The following C16orf96 variants were observed in gnomAD, a reference collection of about 807,000 sequenced individuals.
C16orf96 encodes uncharacterized protein C16orf96.
A neutral mutation model predicts 103.6 loss-of-function variants in C16orf96; 108 were observed. The ratio of observed to expected loss-of-function variants is 1.04; its 90% CI spans 0.89 to 1.22. C16orf96 has a LOEUF of 1.22. C16orf96 is among the 50% of genes most tolerant of loss of function. The probability of loss-of-function intolerance (pLI) is 0.00; values close to 1 mark genes in which losing one functional copy is unlikely to be tolerated. For synonymous variants in C16orf96, 566 were observed against 593.5 expected, an observed-to-expected ratio of 0.95 and a Z score of 0.67; for missense variants, 1,586 against 1,464.2, an observed-to-expected ratio of 1.08 and a Z score of -1.36.
chr16:4,580,314 C>CCG (rs1287266947), intron 7 of C16orf96, among the ~76,000 whole-genome samples, 189 bp downstream of exon 7: 5 of 125,376 alleles, frequency 4.0e-5, no homozygotes, highest in Non-Finnish European at 8.6e-5. Context: ...CCCACCACCC[C>CCG]CCCCCACCCA....
rs1248916857 is a variant in C16orf96 at position 4,575,221 on chromosome 16, C to T, written c.741C>T (p.Leu247=). Residue 247 remains leucine, a synonymous_variant, in exon 5 of 16, where the codon CTC becomes CTT. Transcript: ENST00000444310. ...ACCTGTGGCAGTCTGTAGAGCAGCT[C>T]CCAGAGGCTGCCCTGGCCCAGACCA... ...PLDLWQSVEQ[L]PEAALAQTTK... The T allele has an allele frequency of 5.2e-6, 8 of 1,547,784 alleles. No individual in the cohort carries two copies. The highest frequency in any genetic ancestry group is 7.0e-6 in the Non-Finnish European group (8 of 1,146,970).
At chr16:4,562,437 C>T (rs1366453902) in intron 1 of C16orf96, among the ~76,000 whole-genome samples, 1 of 142,506 alleles carries the variant, frequency 7.0e-6, no homozygotes, top group Non-Finnish European at 1.5e-5. Context: ...ATATTACAGC[C>T]TGGACAATGG....
At chr16:4,579,046 G>A (rs898227779) in intron 6 of C16orf96, 21 bp downstream of exon 6, 5 of 1,548,144 alleles carry the variant, frequency 3.2e-6, no homozygotes, top group Non-Finnish European at 4.4e-6. Context: ...CCGGCGAAGG[G>A]CTTTTGAGGC....
At chr16:4,583,263 G>A (rs1012236003) in intron 7 of C16orf96, among the ~76,000 whole-genome samples, 5 of 151,922 alleles carry the variant, frequency 3.3e-5, no homozygotes, top group Non-Finnish European at 5.9e-5. Flanking sequence ...CACTTTGGGA[G>A]GCCAAGGCAG....
At position 4,593,566 on chromosome 16, in the gene C16orf96, G is replaced by A. The variant is rs915530448; in HGVS notation, c.2867+250G>A. ...TATTGTGGGCCAGGAACTGTTAGAC[G>A]GTTTCTTATTTAAATCTCACAACCC... is the stretch of plus-strand genomic sequence containing the variant. On this transcript the variant is annotated intron_variant, in intron 12 of 15. Coordinates refer to ENST00000444310, the MANE Select transcript of C16orf96 (RefSeq NM_001145011.2). The surrounding 1 kb of genome is among the most constrained non-coding windows in gnomAD (Gnocchi z 4.2). Among the ~76,000 whole-genome samples, 5 of 151,554 alleles carry A rather than the reference G, an allele frequency of 3.3e-5. No homozygotes were observed. The highest frequency in any genetic ancestry group is 4.9e-5 in the African/African-American group (2 of 41,204).
chr16:4,586,641 G>A (rs578073606), intron 7 of C16orf96, among the ~76,000 whole-genome samples: 1 of 152,214 alleles, frequency 6.6e-6, no homozygotes, highest in Non-Finnish European at 1.5e-5. Context: ...TGAGCACAGT[G>A]TGTGTGGCTG....
At chr16:4,596,559 G>C (rs1789810328) in intron 14 of C16orf96, among the ~76,000 whole-genome samples, 1 of 151,384 alleles carries the variant, frequency 6.6e-6, no homozygotes, top group South Asian at 2.1e-4. Flanking sequence ...GCGTGCGCCT[G>C]TAGTCCCAGC....
At chr16:4,550,331 C>T in the C16orf96 span, among the ~76,000 whole-genome samples, 1 of 152,104 alleles carries the variant, frequency 6.6e-6, no homozygotes, top group Non-Finnish European at 1.5e-5. Context: ...GTGATCCGCC[C>T]ATCTCAGCCT....
At chr16:4,539,486 C>T in the C16orf96 span, among the ~76,000 whole-genome samples, 1 of 152,152 alleles carries the variant, frequency 6.6e-6, no homozygotes, top group South Asian at 2.1e-4. Context: ...GAGTTTGAGA[C>T]CAGCCTGGCC....
At position 4,594,498 on chromosome 16, in the gene C16orf96, C is replaced by G; in HGVS notation, c.3015C>G (p.Ile1005Met). ...ATCCCTACGGGGATCCCCACGTGAT[C>G]GACTATGACAGCGTGAGTCTGGCCG... Reference protein sequence around the residue: ...TLYPYGDPHVIDYDSAEVDIL... With the variant: ...TLYPYGDPHVMDYDSAEVDIL... The change falls in exon 13 of 16, where the codon ATC becomes ATG. Residue 1005 changes from isoleucine (I) to methionine (M), a missense_variant. Transcript: ENST00000444310. The G allele has an allele frequency of 6.4e-7, 1 of 1,551,152 alleles. No individual in the cohort carries two copies. Among genetic ancestry groups the G allele is most frequent in the South Asian group, 1.2e-5 (1 of 84,046 alleles).
chr16:4,595,794 A>G (rs926748643), intron 14 of C16orf96, among the ~76,000 whole-genome samples: 1 of 151,066 alleles, frequency 6.6e-6, no homozygotes, highest in Non-Finnish European at 1.5e-5. Context: ...GCAACCTCCA[A>G]CTCCCGGGTT....
Position 4,582,988 on chromosome 16 carries a change from C to G in C16orf96, c.2352+2863C>G, listed in dbSNP as rs192391543. 3.0e-3 allele frequency among the ~76,000 whole-genome samples: 463 copies of G among 152,292 alleles called. 6 individuals carry two copies. The highest frequency in any genetic ancestry group is 0.01 in the African/African-American group (436 of 41,556). ...CGGTGGCTCACGCCTGTAATCCCAG[C>G]ACTTTGGGAGGCTGAGGCAGGCGGA... is the stretch of plus-strand genomic sequence containing the variant. On this transcript the variant is annotated intron_variant, in intron 7 of 15. Coordinates refer to ENST00000444310, the MANE Select transcript of C16orf96 (RefSeq NM_001145011.2).
At chr16:4,581,251 C>T (rs1204792653) in intron 7 of C16orf96, among the ~76,000 whole-genome samples, 1 of 147,372 alleles carries the variant, frequency 6.8e-6, no homozygotes, top group Non-Finnish European at 1.5e-5. Flanking sequence ...AGGAGAATCG[C>T]TTGAACCCGG....
intron 1 of C16orf96, among the ~76,000 whole-genome samples, chr16:4,563,737 T>C (rs2059357349): frequency 6.6e-6 from 1 of 151,152 alleles, no homozygotes; most frequent in Non-Finnish European, 1.5e-5. Flanking sequence ...CCCAGCTAAT[T>C]TTCGTATTTT....
chr16:4,582,623 G>T (rs1025261681), intron 7 of C16orf96, among the ~76,000 whole-genome samples: 4 of 152,094 alleles, frequency 2.6e-5, no homozygotes, highest in African/African-American at 4.8e-5. Flanking sequence ...TGCTCAGACT[G>T]TGCACCACTG....
chr16:4,551,586 G>C (rs1389885409), upstream of C16orf96, among the ~76,000 whole-genome samples: 1 of 152,046 alleles, frequency 6.6e-6, no homozygotes, highest in Non-Finnish European at 1.5e-5. Flanking sequence ...CCAGTAGCTG[G>C]GACTACAGGC....
chr16:4,580,970 C>T (rs989870054), intron 7 of C16orf96, among the ~76,000 whole-genome samples: 13 of 151,266 alleles, frequency 8.6e-5, no homozygotes, highest in African/African-American at 2.9e-4. Flanking sequence ...ACTAAAAATA[C>T]AAAATTAGCT....
At chr16:4,584,547 T>C (rs1896873141) in intron 7 of C16orf96, among the ~76,000 whole-genome samples, 1 of 150,794 alleles carries the variant, frequency 6.6e-6, no homozygotes, top group Non-Finnish European at 1.5e-5. Flanking sequence ...TTTTTTGTTT[T>C]TGTTCGAGGC....
intron 14 of C16orf96, among the ~76,000 whole-genome samples, chr16:4,599,022 G>C (rs140244734): frequency 6.6e-6 from 1 of 151,756 alleles, no homozygotes; most frequent in Admixed American, 6.6e-5. Flanking sequence ...GGGAGGCTGA[G>C]TTAGGAGGAT....
Sources: gnomAD v4.1 joint callset for allele counts (sites outside exome capture counted in the v4.1 genomes callset) on GRCh38, gnomAD v4.1.1 for gene constraint, Gnocchi (gnomAD v3.1) non-coding constraint, MANE v1.5 for transcripts, NCBI Gene and HGNC (gene_info 2026-07-23, HGNC 2026-07-21) for gene names.